Variants in SLC24A4 observed in about 807,000 individuals in gnomAD.
The protein encoded by SLC24A4 is solute carrier family 24 member 4.
A neutral mutation model predicts 79.0 loss-of-function variants in SLC24A4; 53 were observed. The ratio of observed to expected loss-of-function variants is 0.67; its 90% CI spans 0.54 to 0.84. SLC24A4 has a LOEUF of 0.84. Ranked by LOEUF, SLC24A4 falls within the 40% of genes least tolerant of loss-of-function variation. SLC24A4 has a pLI of 0.00. For missense variants in SLC24A4, 731 were observed against 822.0 expected, an observed-to-expected ratio of 0.89 and a Z score of 1.35; for synonymous variants, 323 against 323.8, an observed-to-expected ratio of 1.00 and a Z score of 0.03.
Position 92,483,842 on chromosome 14 carries a change from A to T in SLC24A4, c.1422+996A>T. 3 of 1,289,628 alleles carry T rather than the reference A, an allele frequency of 2.3e-6. 1 individual carries two copies. Among genetic ancestry groups the T allele is most frequent in the South Asian group, 2.5e-5 (2 of 81,010 alleles). 79.9% of individuals were successfully genotyped at this position (1,289,628 alleles called of 1,614,324 possible). On this transcript the variant is annotated intron_variant, in intron 13 of 16. Transcript: ENST00000532405. The stretch of plus-strand genomic sequence containing the variant: ...ATCGAGTCCCTTTATTCTCCTCCTA[A>T]TGCCTGACACCAGCAGCAGAGAAGG...
chr14:92,473,403 A>C (rs1894541976), intron 12 of SLC24A4, among the ~76,000 whole-genome samples: 1 of 152,198 alleles, frequency 6.6e-6, no homozygotes, highest in African/African-American at 2.4e-5. Context: ...TCTGCTTGGG[A>C]GACCAAATCC....
chr14:92,328,832 C>T (rs568727730), intron 2 of SLC24A4, among the ~76,000 whole-genome samples: 18 of 152,214 alleles, frequency 1.2e-4, no homozygotes, highest in Non-Finnish European at 1.5e-4. Flanking sequence ...GTTCCACCTC[C>T]GGAGGGAGGG....
chr14:92,355,196 T>C (rs1887108092), intron 2 of SLC24A4, among the ~76,000 whole-genome samples: 1 of 152,152 alleles, frequency 6.6e-6, no homozygotes, highest in Non-Finnish European at 1.5e-5. Flanking sequence ...TGCAGAGGCC[T>C]CAATTCGCTG....
chr14:92,490,288 C>G lies in SLC24A4; in HGVS notation c.1538-1377C>G, dbSNP rs769126326. ...TGGTGTGGAAGTATGGCTCAGTGGC[C>G]GGGTTAGGGCAGATTCCAGCCAGTA... On this transcript the variant is annotated intron_variant, in intron 14 of 16. Coordinates refer to ENST00000532405, the MANE Select transcript of SLC24A4 (RefSeq NM_153646.4). The surrounding 1 kb of genome is among the most constrained non-coding windows in gnomAD (Gnocchi z 4.3). Among the ~76,000 whole-genome samples, 1 of 152,138 alleles carries G rather than the reference C, an allele frequency of 6.6e-6. No individual in the cohort carries two copies. Among genetic ancestry groups the G allele is most frequent in the African/African-American group, 2.4e-5 (1 of 41,408 alleles).
chr14:92,491,475 A>G (rs973774588), intron 14 of SLC24A4, among the ~76,000 whole-genome samples, 190 bp from the exon 15 acceptor site: 3 of 152,162 alleles, frequency 2.0e-5, no homozygotes. Flanking sequence ...GTCACAGTCA[A>G]CCCATAATAG....
rs1237643412 is a variant in SLC24A4, at chr14:92,497,418, G to A, written c.*3790G>A. On this transcript the variant is annotated 3_prime_UTR_variant, in exon 17 of 17. Transcript: ENST00000532405. ...CAAGCAGACTGGGATTTTGGGAAGG[G>A]TGTGGGGGGTGTCATTGCTGGATAC... 2.0e-5 allele frequency: 3 copies of A among 152,332 alleles called. No individual in the cohort carries two copies. Among genetic ancestry groups the A allele is most frequent in the Admixed American group, 2.0e-4 (3 of 15,278 alleles). The allele number at this position is 152,332 out of a possible 1,614,324, so 9.4% of individuals were successfully genotyped here.
rs1892752409 is a variant in SLC24A4, at chr14:92,445,510, T to C, written c.683+168T>C. Reference sequence around the variant, plus strand: ...TAAGCAGTCATGCCTTTCTTTATCCTGTCAAAGTGAGAAAAATTGTTTCCC... The same window carrying C: ...TAAGCAGTCATGCCTTTCTTTATCCCGTCAAAGTGAGAAAAATTGTTTCCC... On this transcript the variant is annotated intron_variant, in intron 8 of 16. Coordinates refer to ENST00000532405, the MANE Select transcript of SLC24A4 (RefSeq NM_153646.4). Among the ~76,000 whole-genome samples the C allele has an allele frequency of 2.0e-5, 3 of 152,348 alleles. No homozygotes were observed. The South Asian group carries it at 6.2e-4, about 32-fold the overall frequency.
At chr14:92,421,901 C>T (rs1891303439) in intron 2 of SLC24A4, among the ~76,000 whole-genome samples, 1 of 152,046 alleles carries the variant, frequency 6.6e-6, no homozygotes, top group African/African-American at 2.4e-5. Flanking sequence ...GGAAAGGGGC[C>T]CTGGAAAGGG....
At chr14:92,466,563 C>A (rs1894132968) in intron 12 of SLC24A4, among the ~76,000 whole-genome samples, 1 of 151,958 alleles carries the variant, frequency 6.6e-6, no homozygotes, top group African/African-American at 2.4e-5. Flanking sequence ...ATAAAAATAC[C>A]AAAAATTAGA....
chr14:92,362,079 GT>G (rs1406714594), intron 2 of SLC24A4, among the ~76,000 whole-genome samples: 1 of 152,140 alleles, frequency 6.6e-6, no homozygotes, highest in Non-Finnish European at 1.5e-5. Context: ...AATAGGTGCG[GT>G]CCCATGACTG....
chr14:92,440,633 G>A lies in SLC24A4; in HGVS notation c.393+1224G>A, dbSNP rs570328610. Among the ~76,000 whole-genome samples, 18 of 152,134 alleles carry A rather than the reference G, an allele frequency of 1.2e-4. No homozygotes were observed. In the South Asian group the frequency reaches 2.3e-3, roughly 19 times the overall value. ...CATACAGTGGAGGTGCATGCACCCCGTAGGGTTACCTGTATCCCTAAGGAT... is the reference window on the plus strand; with the variant it reads ...CATACAGTGGAGGTGCATGCACCCCATAGGGTTACCTGTATCCCTAAGGAT... On this transcript the variant is annotated intron_variant, in intron 4 of 16. Transcript: ENST00000532405.
At position 92,441,979 on chromosome 14, in the gene SLC24A4, G is replaced by A. The variant is rs952549352; in HGVS notation, c.394-110G>A. 1.3e-6 allele frequency: 1 copy of A among 790,944 alleles called. No homozygotes were observed. Among genetic ancestry groups the A allele is most frequent in the Non-Finnish European group, 2.1e-6 (1 of 475,828 alleles). The allele number at this position is 790,944 out of a possible 1,614,324, so 49.0% of individuals were successfully genotyped here. A position where few individuals can be genotyped will look rare whatever the true frequency, so the allele number is the denominator to read the frequency against. On this transcript the variant is annotated intron_variant, in intron 4 of 16. Coordinates refer to ENST00000532405, the MANE Select transcript of SLC24A4 (RefSeq NM_153646.4). This position sits in a 1 kb window ranked among gnomAD's most constrained non-coding sequence, Gnocchi z 4.6. ...TGAGAGGCTGCAGGCAGACGAGTTT[G>A]CCTCTGGCTGCAGCACTGCTCTCCT... is the stretch of plus-strand genomic sequence containing the variant.
chr14:92,416,122 G>GGTAT (rs60929255), intron 2 of SLC24A4, among the ~76,000 whole-genome samples: 32 of 148,010 alleles, frequency 2.2e-4, no homozygotes, highest in Admixed American at 4.0e-4. Context: ...TTGTGTGTGT[G>GGTAT]GTGTGTGTGT....
intron 12 of SLC24A4, among the ~76,000 whole-genome samples, chr14:92,459,755 T>C (rs1326926777): frequency 1.3e-5 from 2 of 151,950 alleles, no homozygotes; most frequent in Non-Finnish European, 1.5e-5. Flanking sequence ...CTCGTTTAGG[T>C]GTGTACAGCT....
intron 3 of SLC24A4, among the ~76,000 whole-genome samples, chr14:92,437,853 A>G (rs1051013170): frequency 2.0e-5 from 3 of 152,172 alleles, no homozygotes; most frequent in Non-Finnish European, 4.4e-5. Context: ...TTAGGGTTAG[A>G]TCTTGCCTGT....
chr14:92,473,008 C>T (rs149015432), intron 12 of SLC24A4, among the ~76,000 whole-genome samples: 10 of 152,346 alleles, frequency 6.6e-5, no homozygotes, highest in South Asian at 2.1e-4. Flanking sequence ...CTCCTTGTTC[C>T]TCCTCACCAG....
At chr14:92,400,957 A>G (rs1190491589) in intron 2 of SLC24A4, among the ~76,000 whole-genome samples, 1 of 152,162 alleles carries the variant, frequency 6.6e-6, no homozygotes, top group East Asian at 1.9e-4. Context: ...TTTGCTTGAG[A>G]GGAAAAATCA....
In SLC24A4 at chr14:92,491,744, C is replaced by T. The variant is rs1895682311; in HGVS notation, c.1617C>T (p.Gly539=). The change falls in exon 15 of 17, where the codon GGC becomes GGT. Residue 539 remains glycine, a synonymous_variant. Coordinates refer to ENST00000532405, the MANE Select transcript of SLC24A4 (RefSeq NM_153646.4). ...TGGTAGGACTTGGTGTACCGTGGGGCCTGCAGACCATGGTTGTTAATTATG... is the reference window on the plus strand; with the variant it reads ...TGGTAGGACTTGGTGTACCGTGGGGTCTGCAGACCATGGTTGTTAATTATG... ...DILVGLGVPW[G]LQTMVVNYGS... is the part of the protein sequence containing the mutation. The T allele has an allele frequency of 2.5e-6, 4 of 1,613,776 alleles. No individual in the cohort carries two copies. The highest frequency in any genetic ancestry group is 3.4e-6 in the Non-Finnish European group (4 of 1,179,702).
chr14:92,355,291 C>T (rs563340999), intron 2 of SLC24A4, among the ~76,000 whole-genome samples: 78 of 151,794 alleles, frequency 5.1e-4, no homozygotes, highest in African/African-American at 1.8e-3. Context: ...GTGGCTGGAG[C>T]GGGGTGGGGG....
Sources: gnomAD v4.1 joint callset for allele counts (sites outside exome capture counted in the v4.1 genomes callset) on GRCh38, gnomAD v4.1.1 for gene constraint, Gnocchi (gnomAD v3.1) non-coding constraint, MANE v1.5 for transcripts, NCBI Gene and HGNC (gene_info 2026-07-23, HGNC 2026-07-21) for gene names.